FBP2: variants seen among roughly 807,000 people sequenced by gnomAD.
The protein encoded by FBP2 is fructose-bisphosphatase 2.
FBP2 carries 27 observed loss-of-function variants against 31.6 expected under a neutral mutation model. The observed-to-expected ratio is 0.85, with a 90% confidence interval of 0.63 to 1.18. The LOEUF (loss-of-function observed/expected upper bound fraction) is 1.18. Among genes scored for constraint, FBP2 ranks in the 50% most tolerant of loss-of-function variants. The probability of loss-of-function intolerance (pLI) is 0.00; values close to 1 mark genes in which losing one functional copy is unlikely to be tolerated. For synonymous variants in FBP2, 168 were observed against 179.8 expected (o/e 0.93, Z 0.53); for missense variants, 421 against 436.1 (o/e 0.97, Z 0.31).
Position 94,591,386 on chromosome 9 carries a change from G to A in FBP2, c.170+2171C>T, listed in dbSNP as rs1025740849. Among the ~76,000 whole-genome samples the A allele has an allele frequency of 6.7e-4, 102 of 152,330 alleles. 2 individuals carry two copies. The highest frequency in any genetic ancestry group is 2.3e-3 in the African/African-American group (97 of 41,586). On this transcript the variant is annotated intron_variant, in intron 1 of 6. Transcript: ENST00000375337. ...TACACCCTCCGCAGCCACTGGCCCGGGTGCTAAGTCCCCCATTGCCGGGGG... is the reference window on the plus strand; with the variant it reads ...TACACCCTCCGCAGCCACTGGCCCGAGTGCTAAGTCCCCCATTGCCGGGGG...
intron 2 of FBP2, among the ~76,000 whole-genome samples, chr9:94,585,242 A>G (rs914757744): frequency 2.0e-5 from 3 of 152,116 alleles, no homozygotes; most frequent in African/African-American, 4.8e-5. Flanking sequence ...AAATTCCCCA[A>G]CATCTCTATA....
At chr9:94,589,179 C>A (rs186324675) in intron 1 of FBP2, among the ~76,000 whole-genome samples, 97 of 152,234 alleles carry the variant, frequency 6.4e-4, no homozygotes, top group Non-Finnish European at 1.2e-3. Flanking sequence ...CATGTGTCCA[C>A]CCTGCACCAC....
chr9:94,588,068 G>C (rs1827448880), intron 1 of FBP2, among the ~76,000 whole-genome samples: 1 of 151,812 alleles, frequency 6.6e-6, no homozygotes, highest in Non-Finnish European at 1.5e-5. Flanking sequence ...AGCCAGGATG[G>C]TCTTGATCTC....
intron 1 of FBP2, among the ~76,000 whole-genome samples, chr9:94,592,108 C>T (rs1054191283): frequency 2.6e-5 from 4 of 152,166 alleles, no homozygotes; most frequent in Admixed American, 6.5e-5. Flanking sequence ...CCCTGTCTAC[C>T]GTCACTCAGC....
At position 94,593,603 on chromosome 9, in the gene FBP2, T is replaced by C; in HGVS notation, c.124A>G (p.Ile42Val). 1 of 1,614,198 alleles carries C rather than the reference T, an allele frequency of 6.2e-7. No homozygotes were observed. The highest frequency in any genetic ancestry group is 8.5e-7 in the Non-Finnish European group (1 of 1,180,024). ...TQLLNSMLTA[I>V]KAISSAVRKA... ...CGCACAGCCGAGGAGATGGCTTTGA[T>C]GGCCGTCAGCATTGAGTTCAGCAGC... Residue 42 changes from isoleucine to valine, a missense_variant, in exon 1 of 7, where the codon ATC becomes GTC. Physicochemically the swap from Ile to Val is conservative, Grantham distance 29 (BLOSUM62 3). Transcript: ENST00000375337.
intron 3 of FBP2, among the ~76,000 whole-genome samples, chr9:94,582,867 T>C (rs1489400008): frequency 5.5e-5 from 8 of 144,948 alleles, no homozygotes; most frequent in South Asian, 2.3e-4. Context: ...TTTTTTTTTT[T>C]TTTTGAGACA....
At chr9:94,589,225 G>A (rs1441231303) in intron 1 of FBP2, among the ~76,000 whole-genome samples, 2 of 152,028 alleles carry the variant, frequency 1.3e-5, no homozygotes, top group Non-Finnish European at 2.9e-5. Flanking sequence ...ACCCTCTCAC[G>A]TTCCAACAGC....
intron 5 of FBP2, among the ~76,000 whole-genome samples, chr9:94,564,555 C>T (rs572552697): frequency 3.0e-4 from 45 of 152,106 alleles, no homozygotes; most frequent in African/African-American, 9.9e-4. Context: ...TAAACTAACA[C>T]GGAAATAGGA....
chr9:94,582,790 C>T (rs1270121222), intron 3 of FBP2, among the ~76,000 whole-genome samples: 3 of 151,110 alleles, frequency 2.0e-5, no homozygotes, highest in African/African-American at 4.9e-5. Flanking sequence ...CCTCGTGATT[C>T]GCCCGCCTCG....
intron 3 of FBP2, among the ~76,000 whole-genome samples, chr9:94,573,341 C>T (rs1257305623): frequency 6.6e-6 from 1 of 152,168 alleles, no homozygotes; most frequent in East Asian, 1.9e-4. Flanking sequence ...TCACTGCAGC[C>T]TCCAACTCCT....
chr9:94,590,359 G>A (rs117789927), intron 1 of FBP2, among the ~76,000 whole-genome samples: 11,265 of 152,218 alleles, frequency 0.074, 539 homozygotes, highest in Middle Eastern at 0.15. Context: ...GAAAGAGAAG[G>A]GGAAAAGGAG....
At chr9:94,561,916 A>G (rs965474) in intron 6 of FBP2, among the ~76,000 whole-genome samples, 91,610 of 152,010 alleles carry the variant, frequency 0.6, 27,852 homozygotes, top group Admixed American at 0.72. Flanking sequence ...ATCCCATGTG[A>G]GTATTTTCTG....
intron 1 of FBP2, among the ~76,000 whole-genome samples, chr9:94,590,318 C>G (rs1043372834): frequency 6.6e-5 from 10 of 152,300 alleles, no homozygotes; most frequent in African/African-American, 2.4e-4. Context: ...GGCGGGCACT[C>G]CAGCCTCTCT....
At chr9:94,572,259 C>T (rs1275401325) in intron 3 of FBP2, among the ~76,000 whole-genome samples, 1 of 152,108 alleles carries the variant, frequency 6.6e-6, no homozygotes, top group East Asian at 1.9e-4. Context: ...TTCTTCCTCA[C>T]CCCCTTATCC....
intron 4 of FBP2, chr9:94,570,357 T>G (rs1827254338): frequency 6.6e-6 from 1 of 152,218 alleles, no homozygotes; most frequent in South Asian, 2.1e-4. Context: ...CACCAGTCAC[T>G]AGCTTGACCT....
At chr9:94,573,884 T>C (rs1410956873) in intron 3 of FBP2, among the ~76,000 whole-genome samples, 1 of 152,226 alleles carries the variant, frequency 6.6e-6, no homozygotes, top group Non-Finnish European at 1.5e-5. Context: ...TGGAAGAGAC[T>C]GAATAATCTG....
intron 1 of FBP2, among the ~76,000 whole-genome samples, chr9:94,591,496 C>T (rs1173371660): frequency 6.6e-6 from 1 of 152,212 alleles, no homozygotes; most frequent in Admixed American, 6.5e-5. Flanking sequence ...AAGCGCCGCA[C>T]GCAGCCCCAG....
At chr9:94,574,298 G>A (rs1349391368) in intron 3 of FBP2, among the ~76,000 whole-genome samples, 1 of 152,116 alleles carries the variant, frequency 6.6e-6, no homozygotes, top group Admixed American at 6.5e-5. Context: ...TAATAAGAGA[G>A]TTCATTTTAA....
chr9:94,563,523 C>T (rs1827141023), intron 5 of FBP2, 62 bp from the exon 6 acceptor site: 2 of 1,575,154 alleles, frequency 1.3e-6, no homozygotes, highest in Non-Finnish European at 8.7e-7. Context: ...AGCACCTGCT[C>T]GTGGTCACAA....
Sources: gnomAD v4.1 joint callset for allele counts (sites outside exome capture counted in the v4.1 genomes callset) on GRCh38, gnomAD v4.1.1 for gene constraint, MANE v1.5 for transcripts, NCBI Gene and HGNC (gene_info 2026-07-23, HGNC 2026-07-21) for gene names.